RNF144B: variants seen among roughly 807,000 people sequenced by gnomAD.
RNF144B encodes E3 ubiquitin-protein ligase RNF144B.
In RNF144B, 25 loss-of-function variants were observed where a neutral mutation model predicts 40.2. That is an observed-to-expected ratio of 0.62 (90% CI 0.45 to 0.87). The LOEUF (loss-of-function observed/expected upper bound fraction) is 0.87. Ranked by LOEUF, RNF144B falls within the 40% of genes least tolerant of loss-of-function variation. The pLI, the probability that RNF144B is intolerant of heterozygous loss-of-function variation, is 0.00. For synonymous variants in RNF144B, 145 were observed against 136.3 expected, an observed-to-expected ratio of 1.06 and a Z score of -0.44; for missense variants, 365 against 373.7, an observed-to-expected ratio of 0.98 and a Z score of 0.19.
intron 1 of RNF144B, among the ~76,000 whole-genome samples, chr6:18,390,637 C>T (rs1260912792): frequency 1.3e-5 from 2 of 152,186 alleles, no homozygotes; most frequent in African/African-American, 2.4e-5. Context: ...TTTGAAGTCA[C>T]GAGTTTGAGT....
chr6:18,445,913 G>A (rs1173396164), intron 4 of RNF144B, among the ~76,000 whole-genome samples: 2 of 152,198 alleles, frequency 1.3e-5, no homozygotes, highest in African/African-American at 4.8e-5. Context: ...CCAAAAGCCA[G>A]GAGGTAGAAT....
chr6:18,411,483 ATATATATATATATATTTTTTTTTT>A (rs1795038851), intron 2 of RNF144B, among the ~76,000 whole-genome samples: 1 of 25,676 alleles, frequency 3.9e-5, no homozygotes, highest in African/African-American at 1.2e-4. Flanking sequence ...ATATATATAT[ATATATATATATATATTTTTTTTTT>A]TTTTTTTTTT....
In RNF144B at chr6:18,406,203, T is replaced by A; in HGVS notation, c.165+6504T>A. On this transcript the variant is annotated intron_variant, in intron 2 of 7. Transcript: ENST00000259939. This position sits in a 1 kb window ranked among gnomAD's most constrained non-coding sequence, Gnocchi z 4.2. ...AGTAAATACAGAAGTCAGGTGATGG[T>A]TTGTGCTATGGAAAAATAGGGTGAG... 1 of 516,562 alleles carries A rather than the reference T, an allele frequency of 1.9e-6. No individual in the cohort carries two copies. Among genetic ancestry groups the A allele is most frequent in the Non-Finnish European group, 3.9e-6 (1 of 258,636 alleles). The allele number at this position is 516,562 out of a possible 1,614,324, so 32.0% of individuals were successfully genotyped here. A position where few individuals can be genotyped will look rare whatever the true frequency, so the allele number is the denominator to read the frequency against.
At position 18,464,571 on chromosome 6, in the gene RNF144B, CT is replaced by C. The variant is rs1759534262; in HGVS notation, c.772-355del. ...CTCATAGTTCTGGAGGCTGAGAAGT[CT>C]GAGGTTCAGGTGACAGCATGGTCAT... On this transcript the variant is annotated intron_variant, in intron 7 of 7. Coordinates refer to ENST00000259939, the MANE Select transcript of RNF144B (RefSeq NM_182757.4). The surrounding 1 kb of genome is among the most constrained non-coding windows in gnomAD (Gnocchi z 6.1). 6.6e-6 allele frequency among the ~76,000 whole-genome samples: 1 copy of C among 152,188 alleles called. No homozygotes were observed. Among genetic ancestry groups the C allele is most frequent in the African/African-American group, 2.4e-5 (1 of 41,468 alleles).
intron 4 of RNF144B, among the ~76,000 whole-genome samples, chr6:18,452,526 T>A (rs961654163): frequency 4.6e-5 from 7 of 152,118 alleles, no homozygotes; most frequent in Non-Finnish European, 1.5e-5. Context: ...TATAAAAAAG[T>A]AAATGATTTT....
At position 18,468,214 on chromosome 6, in the gene RNF144B, A is replaced by G. The variant is rs1759614499; in HGVS notation, c.*3147A>G. On this transcript the variant is annotated 3_prime_UTR_variant, in exon 8 of 8. Coordinates refer to ENST00000259939, the MANE Select transcript of RNF144B (RefSeq NM_182757.4). The stretch of plus-strand genomic sequence containing the variant: ...TGTAACCTGGATGTTATAGCCCAGC[A>G]TCTAGAAATCCTATGAAACGTATTA... 6.6e-6 allele frequency: 1 copy of G among 152,240 alleles called. No individual in the cohort carries two copies. The highest frequency in any genetic ancestry group is 1.5e-5 in the Non-Finnish European group (1 of 68,044). The allele number at this position is 152,240 out of a possible 1,614,324, so 9.4% of individuals were successfully genotyped here. A position where few individuals can be genotyped will look rare whatever the true frequency, so the allele number is the denominator to read the frequency against.
intron 1 of RNF144B, among the ~76,000 whole-genome samples, chr6:18,397,341 G>C (rs1240016444): frequency 6.6e-6 from 1 of 152,166 alleles, no homozygotes; most frequent in Non-Finnish European, 1.5e-5. Context: ...TGAAAATTAA[G>C]AGGAAAAGAG....
intron 4 of RNF144B, among the ~76,000 whole-genome samples, chr6:18,449,851 C>T (rs1275946489): frequency 1.3e-5 from 2 of 152,032 alleles, no homozygotes. Flanking sequence ...CAATGTTGTA[C>T]AATAATCTCT....
Position 18,457,452 on chromosome 6 carries a change from G to A in RNF144B, c.536+93G>A, listed in dbSNP as rs999258964. On this transcript the variant is annotated intron_variant, in intron 5 of 7. Coordinates refer to ENST00000259939, the MANE Select transcript of RNF144B (RefSeq NM_182757.4). This position sits in a 1 kb window ranked among gnomAD's most constrained non-coding sequence, Gnocchi z 5.1. ...GTAGAAGGAGTTACGTTGTGATGGCGTTTAGAGATTGGTTATTTTCCTGCA... is the reference window on the plus strand; with the variant it reads ...GTAGAAGGAGTTACGTTGTGATGGCATTTAGAGATTGGTTATTTTCCTGCA... 1.9e-5 allele frequency: 18 copies of A among 958,186 alleles called. No individual in the cohort carries two copies. The highest frequency in any genetic ancestry group is 1.4e-4 in the East Asian group (6 of 41,638). 59.4% of individuals were successfully genotyped at this position (958,186 alleles called of 1,614,324 possible). A position where few individuals can be genotyped will look rare whatever the true frequency, so the allele number is the denominator to read the frequency against.
intron 6 of RNF144B, among the ~76,000 whole-genome samples, chr6:18,461,833 G>A (rs950326077): frequency 1.3e-5 from 2 of 152,052 alleles, no homozygotes; most frequent in African/African-American, 4.8e-5. Context: ...GCCAGGAGAG[G>A]GGTGATTGTC....
At chr6:18,396,420 A>C (rs1794695296) in intron 1 of RNF144B, 1 of 981,028 alleles carries the variant, frequency 1.0e-6, no homozygotes, top group Admixed American at 6.1e-5. Context: ...CTTCTAAAAA[A>C]ATAATATAGA....
intron 3 of RNF144B, among the ~76,000 whole-genome samples, chr6:18,438,043 T>C (rs1490093917): frequency 6.6e-6 from 1 of 152,184 alleles, no homozygotes. Flanking sequence ...TAGAATATTA[T>C]TGAGGTCTCT....
Position 18,427,613 on chromosome 6 carries a change from A to G in RNF144B, c.198A>G (p.Arg66=). 1 of 1,613,752 alleles carries G rather than the reference A, an allele frequency of 6.2e-7. No individual in the cohort carries two copies. The highest frequency in any genetic ancestry group is 8.5e-7 in the Non-Finnish European group (1 of 1,179,790). ...AACAGTACATGCAGCTGGCAATCCG[A>G]GAAGGATGTGGGTCTCCCATCACTT... The part of the protein sequence containing the change: ...CLKQYMQLAI[R]EGCGSPITCP... Residue 66 remains arginine (R), a synonymous_variant, in exon 3 of 8, where the codon CGA becomes CGG. Coordinates refer to ENST00000259939, the MANE Select transcript of RNF144B (RefSeq NM_182757.4).
chr6:18,409,580 T>TA lies in RNF144B; in HGVS notation c.165+9882dup, dbSNP rs1554173756. Among the ~76,000 whole-genome samples the TA allele has an allele frequency of 1.5e-4, 21 of 139,186 alleles. 1 individual carries two copies. Among genetic ancestry groups the TA allele is most frequent in the Non-Finnish European group, 3.0e-4 (19 of 63,680 alleles). The allele number at this position is 139,186 out of a possible 152,430, so 91.3% of individuals were successfully genotyped here. On this transcript the variant is annotated intron_variant, in intron 2 of 7. Coordinates refer to ENST00000259939, the MANE Select transcript of RNF144B (RefSeq NM_182757.4). ...CATAACCTTTTTTTTTTTTTTTTTT[T>TA]ACTTTTTGAGATGGAGTTTTGCTCT...
chr6:18,436,131 C>T (rs1453350498), intron 3 of RNF144B, among the ~76,000 whole-genome samples: 1 of 151,598 alleles, frequency 6.6e-6, no homozygotes, highest in African/African-American at 2.4e-5. Flanking sequence ...GCCCCAAGGA[C>T]ACGTCTGTGA....
chr6:18,396,499 T>C (rs753784294), intron 1 of RNF144B: 6 of 984,898 alleles, frequency 6.1e-6, no homozygotes, highest in East Asian at 1.1e-4. Flanking sequence ...AACAACAGGA[T>C]TGGCTATTCA....
intron 4 of RNF144B, among the ~76,000 whole-genome samples, chr6:18,440,940 C>T (rs1358839277): frequency 4.0e-5 from 6 of 150,570 alleles, no homozygotes; most frequent in Non-Finnish European, 4.4e-5. Flanking sequence ...ATGGTGGGTA[C>T]GTTTTTGCTC....
chr6:18,450,304 G>GTTTT lies in RNF144B; in HGVS notation c.332-6842_332-6839dup, dbSNP rs11413565. ...CAACTCTGATTTGTAGTGCTTGCCAGTTTTTTTTTTTTAGATGGAGTCTTG... is the reference window on the plus strand; with the variant it reads ...CAACTCTGATTTGTAGTGCTTGCCAGTTTTTTTTTTTTTTTTAGATGGAGTCTTG... On this transcript the variant is annotated intron_variant, in intron 4 of 7. Transcript: ENST00000259939. This position sits in a 1 kb window ranked among gnomAD's most constrained non-coding sequence, Gnocchi z 4.7. Among the ~76,000 whole-genome samples the GTTTT allele has an allele frequency of 6.8e-6, 1 of 146,324 alleles. No homozygotes were observed.
Position 18,468,555 on chromosome 6 carries a change from A to C in RNF144B, c.*3488A>C, listed in dbSNP as rs1759620982. 6.6e-6 allele frequency: 1 copy of C among 152,052 alleles called. No homozygotes were observed. Among genetic ancestry groups the C allele is most frequent in the African/African-American group, 2.4e-5 (1 of 41,374 alleles). The allele number at this position is 152,052 out of a possible 1,614,324, so 9.4% of individuals were successfully genotyped here. On this transcript the variant is annotated 3_prime_UTR_variant, in exon 8 of 8. Transcript: ENST00000259939. ...TTTTTCTTAAAAATTATTCTGAATTAAATGTATATTTCTTTAGCCTTCCCT... is the reference window on the plus strand; with the variant it reads ...TTTTTCTTAAAAATTATTCTGAATTCAATGTATATTTCTTTAGCCTTCCCT...
Sources: gnomAD v4.1 joint callset for allele counts (sites outside exome capture counted in the v4.1 genomes callset) on GRCh38, gnomAD v4.1.1 for gene constraint, Gnocchi (gnomAD v3.1) non-coding constraint, MANE v1.5 for transcripts, NCBI Gene and HGNC (gene_info 2026-07-23, HGNC 2026-07-21) for gene names.